The following NRXN1 variants were observed in gnomAD, a reference collection of about 807,000 sequenced individuals.
The protein encoded by NRXN1 is neurexin-1.
NRXN1 carries 39 observed loss-of-function variants against 150.9 expected under a neutral mutation model. That is an observed-to-expected ratio of 0.26 (90% confidence interval 0.20 to 0.34). The LOEUF (loss-of-function observed/expected upper bound fraction) is 0.34, where lower values mean the gene tolerates loss of function less well. Among genes scored for constraint, NRXN1 ranks in the 10% least tolerant of loss-of-function variants. The pLI, the probability that NRXN1 is intolerant of heterozygous loss-of-function variation, is 1.00. For synonymous variants in NRXN1, 924 were observed against 757.0 expected (o/e 1.22, Z -3.62); for missense variants, 1,815 against 1,949.9 (o/e 0.93, Z 1.30).
intron 18 of NRXN1, among the ~76,000 whole-genome samples, chr2:50,220,996 T>A (rs1272247834): frequency 6.6e-6 from 1 of 152,054 alleles, no homozygotes; most frequent in East Asian, 1.9e-4. Context: ...TTCTTGCTAA[T>A]CTCGTGTTAT....
chr2:49,922,054 T>C lies in NRXN1; in HGVS notation c.4414A>G (p.Ile1472Val), dbSNP rs771283147. The C allele has an allele frequency of 2.5e-6, 4 of 1,614,160 alleles. No homozygotes were observed. The highest frequency in any genetic ancestry group is 2.2e-5 in the South Asian group (2 of 91,078). Reference protein sequence around the residue: ...SYHVDESRNYISNSAQSNGAV... With the variant: ...SYHVDESRNYVSNSAQSNGAV... ...CCATTGGACTGTGCTGAGTTACTGA[T>C]GTAGTTTCGACTCTCGTCCACATGG... Residue 1472 changes from isoleucine (I) to valine (V), a missense_variant, in exon 23 of 23, where the codon ATC becomes GTC. Ile to Val is a conservative substitution (Grantham distance 29, BLOSUM62 3). Around this residue, in one of 6 missense-constraint regions of NRXN1, gnomAD observed 265 missense variants for 307.1 expected, o/e 0.86. Transcript: ENST00000401669.
intron 18 of NRXN1, among the ~76,000 whole-genome samples, chr2:50,098,830 GTTTTTTTTTTTTTTTTTTTTTTTT>G (rs746736925): frequency 5.7e-5 from 6 of 105,560 alleles, no homozygotes; most frequent in Admixed American, 2.2e-4. Context: ...TTTGGTTTTA[GTTTTTTTTTTTTTTTTTTTTTTTT>G]TTTTTTTTTT....
At chr2:50,507,369 G>C (rs1409169448) in intron 12 of NRXN1, among the ~76,000 whole-genome samples, 1 of 148,898 alleles carries the variant, frequency 6.7e-6, no homozygotes, top group African/African-American at 2.5e-5. Context: ...CCGAAGAAAA[G>C]GAAAGAAAAA....
chr2:50,964,519 A>T (rs1693735167), intron 2 of NRXN1, among the ~76,000 whole-genome samples: 2 of 151,496 alleles, frequency 1.3e-5, no homozygotes, highest in Admixed American at 1.3e-4. Flanking sequence ...CCTATTATGA[A>T]AATCTAACTT....
At chr2:50,272,233 A>G (rs889422921) in intron 17 of NRXN1, among the ~76,000 whole-genome samples, 1 of 152,224 alleles carries the variant, frequency 6.6e-6, no homozygotes, top group African/African-American at 2.4e-5. Flanking sequence ...TCAACCAAAG[A>G]GAAGTACATT....
At chr2:50,404,079 T>G (rs2082581504) in intron 17 of NRXN1, among the ~76,000 whole-genome samples, 1 of 152,126 alleles carries the variant, frequency 6.6e-6, no homozygotes, top group Non-Finnish European at 1.5e-5. Flanking sequence ...ACTTACTCCC[T>G]ACCCCCTACC....
At chr2:50,909,665 C>T (rs1684252710) in intron 5 of NRXN1, among the ~76,000 whole-genome samples, 1 of 151,930 alleles carries the variant, frequency 6.6e-6, no homozygotes, top group African/African-American at 2.4e-5. Context: ...ATTTATCTCA[C>T]TCTCTCATAA....
intron 9 of NRXN1, among the ~76,000 whole-genome samples, chr2:50,547,081 C>T (rs529868123): frequency 2.0e-5 from 3 of 152,250 alleles, no homozygotes; most frequent in African/African-American, 7.2e-5. Context: ...TAATTATGTG[C>T]TCTTGAGAGA....
At chr2:50,044,911 C>G (rs1691574716) in intron 21 of NRXN1, among the ~76,000 whole-genome samples, 1 of 152,286 alleles carries the variant, frequency 6.6e-6, no homozygotes, top group South Asian at 2.1e-4. Flanking sequence ...CACGTACATA[C>G]ACTGCCTATT....
At chr2:50,585,940 G>A (rs1168192779) in intron 8 of NRXN1, among the ~76,000 whole-genome samples, 2 of 152,144 alleles carry the variant, frequency 1.3e-5, no homozygotes, top group Non-Finnish European at 2.9e-5. Context: ...ATTCTGGTAG[G>A]CAACAACCAT....
At chr2:49,934,448 A>G (rs1334357032) in intron 22 of NRXN1, among the ~76,000 whole-genome samples, 1 of 152,104 alleles carries the variant, frequency 6.6e-6, no homozygotes, top group Non-Finnish European at 1.5e-5. Context: ...AATTTTCCTG[A>G]TTTAGAATTG....
At chr2:50,873,513 A>G (rs1024224133) in intron 5 of NRXN1, among the ~76,000 whole-genome samples, 2 of 151,824 alleles carry the variant, frequency 1.3e-5, no homozygotes, top group Non-Finnish European at 2.9e-5. Flanking sequence ...AGTCTGGTTA[A>G]TTCTGGCAGT....
intron 2 of NRXN1, among the ~76,000 whole-genome samples, chr2:50,982,655 GTTTTTCCTTT>G (rs1697014662): frequency 6.6e-6 from 1 of 152,002 alleles, no homozygotes; most frequent in South Asian, 2.1e-4. Context: ...TAGCACCTAA[GTTTTTCCTTT>G]TATACTTCAC....
chr2:50,784,564 C>T (rs1027114833), intron 5 of NRXN1, among the ~76,000 whole-genome samples: 3 of 151,930 alleles, frequency 2.0e-5, no homozygotes, highest in East Asian at 1.9e-4. Context: ...AGTTAAGGCT[C>T]GACAGATATT....
intron 18 of NRXN1, among the ~76,000 whole-genome samples, chr2:50,186,324 G>A (rs2152816885): frequency 6.6e-6 from 1 of 152,120 alleles, no homozygotes; most frequent in South Asian, 2.1e-4. Context: ...ATTTCAAGAA[G>A]GGCTCCCTAA....
intron 21 of NRXN1, among the ~76,000 whole-genome samples, chr2:50,035,605 A>G (rs891659878): frequency 6.6e-6 from 1 of 152,136 alleles, no homozygotes; most frequent in Non-Finnish European, 1.5e-5. Flanking sequence ...TGAATAAGAA[A>G]GCTTAGTATG....
At chr2:50,540,121 A>G (rs536969687) in intron 9 of NRXN1, among the ~76,000 whole-genome samples, 14 of 152,302 alleles carry the variant, frequency 9.2e-5, no homozygotes, top group African/African-American at 3.4e-4. Flanking sequence ...AGTCATTAAG[A>G]GGATATTTGG....
rs866057188 is a variant in NRXN1 at position 50,251,018 on chromosome 2, A to G, written c.3365-14048T>C. Reference sequence around the variant, plus strand: ...TTACACATTGCATATGTGTAATATTACATATTGTATATGTAATAAATTTAT... The same window carrying G: ...TTACACATTGCATATGTGTAATATTGCATATTGTATATGTAATAAATTTAT... On this transcript the variant is annotated intron_variant, in intron 17 of 22. Transcript: ENST00000401669. Among the ~76,000 whole-genome samples, 57 of 117,436 alleles carry G rather than the reference A, an allele frequency of 4.9e-4. 1 individual carries two copies. Among genetic ancestry groups the G allele is most frequent in the African/African-American group, 1.8e-3 (53 of 29,960 alleles). The allele number at this position is 117,436 out of a possible 152,430, so 77.0% of individuals were successfully genotyped here.
chr2:50,872,968 T>C (rs1678016700), intron 5 of NRXN1, among the ~76,000 whole-genome samples: 1 of 151,668 alleles, frequency 6.6e-6, no homozygotes, highest in Non-Finnish European at 1.5e-5. Flanking sequence ...ACCACTATAC[T>C]CCAACCTAGG....
Sources: allele counts gnomAD v4.1 joint callset (sites outside exome capture counted in the v4.1 genomes callset), GRCh38; gene constraint gnomAD v4.1.1; regional missense constraint gnomAD v4.1.1; transcripts MANE v1.5; gene names NCBI Gene and HGNC (gene_info 2026-07-23, HGNC 2026-07-21).